The following SLIT2 variants were observed in gnomAD, a reference collection of about 807,000 sequenced individuals.
SLIT2 encodes the protein slit guidance ligand 2, also known as slit homolog 2 protein.
In SLIT2, 41 loss-of-function variants were observed where a neutral mutation model predicts 185.7. The observed-to-expected ratio is 0.22, with a 90% CI of 0.17 to 0.29. The LOEUF (loss-of-function observed/expected upper bound fraction) is 0.29. Ranked by LOEUF, SLIT2 falls within the 10% of genes least tolerant of loss-of-function variation. The pLI is 1.00. For missense variants in SLIT2, 1,571 were observed against 1,909.0 expected, an observed-to-expected ratio of 0.82 and a Z score of 3.30; for synonymous variants, 693 against 680.2, an observed-to-expected ratio of 1.02 and a Z score of -0.29.
At chr4:20,591,329 G>A (rs1329978702) in intron 30 of SLIT2, among the ~76,000 whole-genome samples, 1 of 152,014 alleles carries the variant, frequency 6.6e-6, no homozygotes, top group Admixed American at 6.6e-5. Context: ...AAGTCGGGTG[G>A]GAGAGTGGGG....
chr4:20,335,704 G>A (rs1720438442), intron 4 of SLIT2, among the ~76,000 whole-genome samples: 1 of 152,010 alleles, frequency 6.6e-6, no homozygotes. Flanking sequence ...TGATAAAACT[G>A]CTCAAGTACT....
chr4:20,285,934 G>T (rs1426707332), intron 4 of SLIT2, among the ~76,000 whole-genome samples: 3 of 152,202 alleles, frequency 2.0e-5, no homozygotes, highest in Non-Finnish European at 2.9e-5. Flanking sequence ...GGAGTCAGTT[G>T]TGTAGCTCTC....
Position 20,596,744 on chromosome 4 carries a change from T to C in SLIT2, c.3561+89T>C. The C allele has an allele frequency of 2.3e-6, 3 of 1,314,288 alleles. No individual in the cohort carries two copies. The African/African-American group carries it at 4.4e-5, about 19-fold the overall frequency. 81.4% of individuals were successfully genotyped at this position (1,314,288 alleles called of 1,614,324 possible). On this transcript the variant is annotated intron_variant, in intron 32 of 36. Transcript: ENST00000504154. ...TTTGTGGTAGCTTCTGAATGATTGA[T>C]AGTATGTCTTAAATAGACAGTTAAA...
chr4:20,466,001 C>A lies in SLIT2; in HGVS notation c.396-1751C>A, dbSNP rs547939440. On this transcript the variant is annotated intron_variant, in intron 4 of 36. Transcript: ENST00000504154. ...TGTCTTTGAAGTGGAAAATTATAAGCGATTAGAAAACATGGAATTGGCGAA... is the reference window on the plus strand; with the variant it reads ...TGTCTTTGAAGTGGAAAATTATAAGAGATTAGAAAACATGGAATTGGCGAA... Among the ~76,000 whole-genome samples the A allele has an allele frequency of 5.3e-5, 8 of 150,666 alleles. No homozygotes were observed. In the South Asian group the frequency reaches 1.7e-3, roughly 32 times the overall value.
At chr4:20,300,428 G>A (rs184811578) in intron 4 of SLIT2, among the ~76,000 whole-genome samples, 1 of 152,206 alleles carries the variant, frequency 6.6e-6, no homozygotes, top group Admixed American at 6.5e-5. Context: ...GGAATTATAT[G>A]TGCAAGAACA....
At chr4:20,307,216 A>C (rs1439361193) in intron 4 of SLIT2, among the ~76,000 whole-genome samples, 173 of 28,302 alleles carry the variant, frequency 6.1e-3, no homozygotes, top group South Asian at 8.1e-3. Context: ...CCCTCTCTCC[A>C]CCCCCTCTAT....
chr4:20,402,786 A>AT (rs1287022348), intron 4 of SLIT2, among the ~76,000 whole-genome samples: 3 of 151,768 alleles, frequency 2.0e-5, no homozygotes, highest in Non-Finnish European at 4.4e-5. Flanking sequence ...AGGATTTTGA[A>AT]TTTTTTAATA....
chr4:20,479,643 G>T (rs1176140172), intron 5 of SLIT2, among the ~76,000 whole-genome samples: 1 of 150,446 alleles, frequency 6.6e-6, no homozygotes, highest in Non-Finnish European at 1.5e-5. Context: ...AAAAAAAAGA[G>T]TGTGGTACAG....
chr4:20,366,338 C>T (rs911906441), intron 4 of SLIT2, among the ~76,000 whole-genome samples: 1 of 152,258 alleles, frequency 6.6e-6, no homozygotes, highest in Non-Finnish European at 1.5e-5. Flanking sequence ...ATGCCAGAGT[C>T]AAGGAATTCC....
intron 4 of SLIT2, among the ~76,000 whole-genome samples, chr4:20,282,264 G>A (rs2109058855): frequency 6.6e-6 from 1 of 152,276 alleles, no homozygotes; most frequent in Non-Finnish European, 1.5e-5. Context: ...CAACATTACA[G>A]TCCAGATATT....
At chr4:20,407,239 A>T (rs1006515253) in intron 4 of SLIT2, among the ~76,000 whole-genome samples, 6 of 152,144 alleles carry the variant, frequency 3.9e-5, no homozygotes, top group African/African-American at 1.2e-4. Flanking sequence ...GTTAAGCTTC[A>T]TTGAGCTGTA....
chr4:20,593,997 TACAC>T (rs950588465), intron 30 of SLIT2, among the ~76,000 whole-genome samples: 1 of 149,520 alleles, frequency 6.7e-6, no homozygotes, highest in Admixed American at 6.6e-5. Context: ...TACATACATA[TACAC>T]ACACATACAT....
At chr4:20,272,223 A>G (rs1713700134) in intron 4 of SLIT2, among the ~76,000 whole-genome samples, 1 of 151,922 alleles carries the variant, frequency 6.6e-6, no homozygotes, top group Non-Finnish European at 1.5e-5. Context: ...TGACAGATGG[A>G]AAGTGCAAGT....
chr4:20,290,250 C>A (rs912252357), intron 4 of SLIT2, among the ~76,000 whole-genome samples: 1 of 152,168 alleles, frequency 6.6e-6, no homozygotes, highest in African/African-American at 2.4e-5. Context: ...TTTTTAAATA[C>A]AGTCAGCCCT....
At chr4:20,284,016 TAGAC>T (rs1178678718) in intron 4 of SLIT2, among the ~76,000 whole-genome samples, 5 of 152,164 alleles carry the variant, frequency 3.3e-5, no homozygotes, top group Admixed American at 1.3e-4. Context: ...GTTGTGAACA[TAGAC>T]AGTAACAGTA....
rs775047736 is a variant in SLIT2, at chr4:20,447,986, G to A, written c.396-19766G>A. ...TGTGGAAACTGAATCTGAAGAAAGA[G>A]AAAAGATTGGTTAAAAAGAAATGGA... On this transcript the variant is annotated intron_variant, in intron 4 of 36. Coordinates refer to ENST00000504154, the MANE Select transcript of SLIT2 (RefSeq NM_004787.4). 1.6e-3 allele frequency among the ~76,000 whole-genome samples: 242 copies of A among 152,178 alleles called. 3 individuals carry two copies. Among genetic ancestry groups the A allele is most frequent in the Non-Finnish European group, 5.7e-4 (39 of 68,018 alleles).
intron 19 of SLIT2, 147 bp from the exon 20 acceptor site, chr4:20,541,306 T>G (rs1481279304): frequency 1.5e-6 from 1 of 650,498 alleles, no homozygotes; most frequent in African/African-American, 1.8e-5. Context: ...ATACTGCATG[T>G]GATTCTGAGT....
chr4:20,414,783 T>A (rs1485694198), intron 4 of SLIT2, among the ~76,000 whole-genome samples: 7 of 152,168 alleles, frequency 4.6e-5, no homozygotes, highest in Non-Finnish European at 1.0e-4. Flanking sequence ...GCTTTTTTCT[T>A]ACTGCTTTCA....
intron 11 of SLIT2, among the ~76,000 whole-genome samples, chr4:20,518,409 T>A (rs1310785773): frequency 7.4e-6 from 1 of 135,400 alleles, no homozygotes; most frequent in South Asian, 2.4e-4. Flanking sequence ...CCCACCACCA[T>A]GCCTGGCTAA....
Sources: allele counts gnomAD v4.1 joint callset (sites outside exome capture counted in the v4.1 genomes callset), GRCh38; gene constraint gnomAD v4.1.1; transcripts MANE v1.5; gene names NCBI Gene and HGNC (gene_info 2026-07-23, HGNC 2026-07-21).